MAPK10: variants seen among roughly 807,000 people sequenced by gnomAD.
The protein encoded by MAPK10 is mitogen-activated protein kinase 10.
A neutral mutation model predicts 59.3 loss-of-function variants in MAPK10; 25 were observed. The ratio of observed to expected loss-of-function variants is 0.42; its 90% CI spans 0.31 to 0.59. MAPK10 has a LOEUF of 0.59. Ranked by LOEUF, MAPK10 falls within the 20% of genes least tolerant of loss-of-function variation. MAPK10 has a pLI of 0.15. For synonymous variants in MAPK10, 190 were observed against 200.5 expected (o/e 0.95, Z 0.44); for missense variants, 351 against 568.9 (o/e 0.62, Z 3.90).
intron 1 of MAPK10, among the ~76,000 whole-genome samples, chr4:86,442,980 G>A (rs554270149): frequency 6.6e-6 from 1 of 152,286 alleles, no homozygotes; most frequent in East Asian, 1.9e-4. Context: ...CATCAGAGAA[G>A]GGAGGTCACA....
At chr4:86,214,623 G>A (rs912251957) in intron 2 of MAPK10, among the ~76,000 whole-genome samples, 1 of 149,596 alleles carries the variant, frequency 6.7e-6, no homozygotes, top group Non-Finnish European at 1.5e-5. Flanking sequence ...CACTAACAAT[G>A]AACAATCTGA....
At chr4:86,176,921 T>C (rs937423799) in intron 3 of MAPK10, among the ~76,000 whole-genome samples, 1 of 152,088 alleles carries the variant, frequency 6.6e-6, no homozygotes, top group African/African-American at 2.4e-5. Context: ...AGCATATACA[T>C]TGTGATTTTA....
intron 1 of MAPK10, among the ~76,000 whole-genome samples, chr4:86,406,627 T>C (rs1744396623): frequency 6.6e-6 from 1 of 152,184 alleles, no homozygotes; most frequent in Admixed American, 6.5e-5. Flanking sequence ...TATAGCTAAC[T>C]ATTATGCCGA....
chr4:86,238,301 T>C (rs2092440254), intron 2 of MAPK10, among the ~76,000 whole-genome samples: 1 of 152,200 alleles, frequency 6.6e-6, no homozygotes, highest in East Asian at 1.9e-4. Context: ...CCTTGTTCTT[T>C]TTGCTTAGGA....
intron 2 of MAPK10, among the ~76,000 whole-genome samples, chr4:86,294,230 C>A (rs1228766345): frequency 6.6e-6 from 1 of 152,126 alleles, no homozygotes; most frequent in Non-Finnish European, 1.5e-5. Flanking sequence ...TTTCCTTTCC[C>A]TCTCTCACTT....
At chr4:86,195,572 T>A (rs1199968029) in intron 2 of MAPK10, among the ~76,000 whole-genome samples, 2 of 149,206 alleles carry the variant, frequency 1.3e-5, no homozygotes, top group African/African-American at 2.6e-5. Flanking sequence ...TCTTTTTTTA[T>A]TTGTATTTTT....
chr4:86,306,704 A>G (rs2095574691), intron 2 of MAPK10, among the ~76,000 whole-genome samples: 1 of 152,222 alleles, frequency 6.6e-6, no homozygotes, highest in Non-Finnish European at 1.5e-5. Context: ...CCTTAGAGGG[A>G]AAATCAAAGA....
chr4:86,565,897 C>G (rs1761026163), intron 1 of MAPK10, among the ~76,000 whole-genome samples: 1 of 152,196 alleles, frequency 6.6e-6, no homozygotes, highest in Admixed American at 6.5e-5. Context: ...CTGGCCTATT[C>G]ATTGTTGCCT....
intron 11 of MAPK10, among the ~76,000 whole-genome samples, chr4:86,063,184 C>G (rs2148984806): frequency 6.6e-6 from 1 of 152,276 alleles, no homozygotes; most frequent in African/African-American, 2.4e-5. Flanking sequence ...CTACCTAGTT[C>G]TCACTTTCTT....
intron 2 of MAPK10, among the ~76,000 whole-genome samples, chr4:86,279,374 C>A (rs920436894): frequency 6.6e-5 from 10 of 152,070 alleles, no homozygotes; most frequent in Non-Finnish European, 1.5e-4. Context: ...ATCCTGTAGC[C>A]TGAAAGCCTA....
chr4:86,467,945 A>G (rs1415202730), intron 1 of MAPK10, among the ~76,000 whole-genome samples: 1 of 152,176 alleles, frequency 6.6e-6, no homozygotes, highest in Non-Finnish European at 1.5e-5. Context: ...TTACCTTGCA[A>G]CGAGGCCAGA....
intron 2 of MAPK10, chr4:86,300,628 C>A (rs1463659384): frequency 6.6e-6 from 1 of 152,178 alleles, no homozygotes. Flanking sequence ...ATTTATAGAG[C>A]AGCTTCCACA....
chr4:86,043,889 A>C (rs147399678), intron 11 of MAPK10, among the ~76,000 whole-genome samples: 1 of 152,316 alleles, frequency 6.6e-6, no homozygotes, highest in East Asian at 1.9e-4. Context: ...CAACTGAGGC[A>C]CACAAAGATT....
At chr4:86,374,957 A>G (rs893944573) in intron 1 of MAPK10, among the ~76,000 whole-genome samples, 4 of 152,234 alleles carry the variant, frequency 2.6e-5, no homozygotes, top group African/African-American at 9.6e-5. Flanking sequence ...CAGTTAACAA[A>G]TATTCATTGA....
intron 1 of MAPK10, among the ~76,000 whole-genome samples, chr4:86,437,213 CA>C (rs61312037): frequency 0.29 from 23,506 of 80,852 alleles, 1,514 homozygotes; most frequent in East Asian, 0.37. Context: ...GACTCTGTCT[CA>C]AAAAAAAAAA....
At chr4:86,029,646 T>C (rs938206360) in intron 12 of MAPK10, among the ~76,000 whole-genome samples, 7 of 152,170 alleles carry the variant, frequency 4.6e-5, no homozygotes, top group African/African-American at 1.7e-4. Flanking sequence ...GTTTTACTTG[T>C]TTTCTGAATT....
chr4:86,250,382 C>G (rs1353208870), intron 2 of MAPK10, among the ~76,000 whole-genome samples: 1 of 152,128 alleles, frequency 6.6e-6, no homozygotes, highest in Non-Finnish European at 1.5e-5. Context: ...CAGACTTACT[C>G]TATTCTATTT....
intron 1 of MAPK10, among the ~76,000 whole-genome samples, chr4:86,412,417 T>A (rs1275159718): frequency 6.6e-6 from 1 of 152,236 alleles, no homozygotes; most frequent in Admixed American, 6.5e-5. Context: ...TGTGGTGTTC[T>A]CCGTATTTCC....
chr4:86,372,462 A>G (rs1321351958), intron 1 of MAPK10, among the ~76,000 whole-genome samples: 1 of 151,528 alleles, frequency 6.6e-6, no homozygotes, highest in Non-Finnish European at 1.5e-5. Flanking sequence ...GGTTGCAGCG[A>G]GCTGAGATGA....
Sources: allele counts gnomAD v4.1 joint callset (sites outside exome capture counted in the v4.1 genomes callset), GRCh38; gene constraint gnomAD v4.1.1; transcripts MANE v1.5; gene names NCBI Gene and HGNC (gene_info 2026-07-23, HGNC 2026-07-21).